DNAH7: variants seen among roughly 807,000 people sequenced by gnomAD.
DNAH7 encodes the protein axonemal beta dynein heavy chain 7.
Under a neutral mutation model 444.6 loss-of-function variants are expected in DNAH7, and 397 were observed. That is an observed-to-expected ratio of 0.89 (90% CI 0.82 to 0.97). The LOEUF is 0.97. Ranked by LOEUF, DNAH7 falls within the 50% of genes least tolerant of loss-of-function variation. The pLI, the probability that DNAH7 is intolerant of heterozygous loss-of-function variation, is 0.00. For missense variants in DNAH7, 4,902 were observed against 4,800.8 expected, an observed-to-expected ratio of 1.02 and a Z score of -0.62; for synonymous variants, 1,636 against 1,624.4, an observed-to-expected ratio of 1.01 and a Z score of -0.17.
At chr2:195,847,059 C>CATATATATATATATATATCTGATAT (rs1190507117) in intron 46 of DNAH7, among the ~76,000 whole-genome samples, 1 of 139,694 alleles carries the variant, frequency 7.2e-6, no homozygotes, top group Non-Finnish European at 1.5e-5. Flanking sequence ...TATAAACTCC[C>CATATATATATATATATATCTGATAT]ATATATATAT....
At chr2:195,868,327 G>A (rs185542205) in intron 40 of DNAH7, among the ~76,000 whole-genome samples, 5 of 151,404 alleles carry the variant, frequency 3.3e-5, no homozygotes, top group Admixed American at 2.0e-4. Context: ...CTCATGATCC[G>A]CCTGCCTCGG....
In DNAH7 at chr2:195,754,516, T is replaced by C; in HGVS notation, c.11587-2A>G. On this transcript the variant is annotated splice_acceptor_variant, in intron 62 of 64. Coordinates refer to ENST00000312428, the MANE Select transcript of DNAH7 (RefSeq NM_018897.3). LOFTEE classifies it high-confidence loss of function. ...AGGAGGACCAACCTCATACCATTGC[T>C]AGGGTGTAAAACACAAGTGGGCTAA... is the stretch of plus-strand genomic sequence containing the variant. 1 of 1,613,410 alleles carries C rather than the reference T, an allele frequency of 6.2e-7. No homozygotes were observed. Among genetic ancestry groups the C allele is most frequent in the South Asian group, 1.1e-5 (1 of 90,970 alleles).
intron 29 of DNAH7, among the ~76,000 whole-genome samples, chr2:195,895,716 C>T (rs1702269396): frequency 6.6e-6 from 1 of 152,144 alleles, no homozygotes; most frequent in African/African-American, 2.4e-5. Context: ...TTGCTGCCTC[C>T]TACCTCCATC....
Position 195,794,273 on chromosome 2 carries a change from T to C in DNAH7, c.10716+65A>G, listed in dbSNP as rs112394530. On this transcript the variant is annotated intron_variant, in intron 57 of 64. Coordinates refer to ENST00000312428, the MANE Select transcript of DNAH7 (RefSeq NM_018897.3). ...TAGTTTTACTCAGTGCACACATCCA[T>C]GATCACCAGGGGCCACTTGAAGTGC... 4.3e-4 allele frequency: 646 copies of C among 1,512,724 alleles called. No homozygotes were observed. The African/African-American group carries it at 7.4e-3, about 17-fold the overall frequency. The allele number at this position is 1,512,724 out of a possible 1,614,324, so 93.7% of individuals were successfully genotyped here. A position where few individuals can be genotyped will look rare whatever the true frequency, so the allele number is the denominator to read the frequency against.
At chr2:195,895,418 T>A (rs1164352280) in intron 29 of DNAH7, among the ~76,000 whole-genome samples, 194 bp from the exon 30 acceptor site, 1 of 152,190 alleles carries the variant, frequency 6.6e-6, no homozygotes, top group Non-Finnish European at 1.5e-5. Flanking sequence ...ATCCTTATGA[T>A]GTTCGTTTTG....
intron 47 of DNAH7, among the ~76,000 whole-genome samples, chr2:195,835,389 A>T (rs1459073880): frequency 1.8e-4 from 27 of 151,822 alleles, no homozygotes; most frequent in Admixed American, 1.8e-3. Context: ...GGCAAAAAAA[A>T]AAAAAAAAAA....
At chr2:196,043,114 C>A (rs1181917383) in intron 5 of DNAH7, among the ~76,000 whole-genome samples, 1 of 152,002 alleles carries the variant, frequency 6.6e-6, no homozygotes, top group African/African-American at 2.4e-5. Flanking sequence ...CAAAAGTATT[C>A]TAAAACTGGA....
intron 54 of DNAH7, among the ~76,000 whole-genome samples, chr2:195,804,162 A>G (rs923087869): frequency 3.3e-5 from 5 of 152,220 alleles, no homozygotes; most frequent in Non-Finnish European, 7.3e-5. Flanking sequence ...ATTATCTCTT[A>G]GAGGTGAAAA....
intron 48 of DNAH7, among the ~76,000 whole-genome samples, chr2:195,825,579 A>T (rs991033046): frequency 2.0e-5 from 3 of 151,734 alleles, no homozygotes; most frequent in African/African-American, 7.3e-5. Context: ...ACACTGTATT[A>T]AAAAAAACTG....
At chr2:195,761,902 C>G (rs75037914) in intron 61 of DNAH7, among the ~76,000 whole-genome samples, 1 of 152,026 alleles carries the variant, frequency 6.6e-6, no homozygotes. Flanking sequence ...AGGTATAAAA[C>G]TCAGGGTAAT....
At chr2:195,770,757 T>C (rs770460519) in intron 61 of DNAH7, among the ~76,000 whole-genome samples, 2 of 152,160 alleles carry the variant, frequency 1.3e-5, no homozygotes, top group Non-Finnish European at 2.9e-5. Flanking sequence ...AGGGTCTCAC[T>C]CTGTTGCCTG....
rs199601950 is a variant in DNAH7, at chr2:195,875,851, T to C, written c.6118-8A>G. ...ATCATCTACAAAGACAACCTGAGAA[T>C]GAGAAGAGAAGAGGTACAGAAAATA... is the stretch of plus-strand genomic sequence containing the variant. On this transcript the variant is annotated splice_region_variant and splice_polypyrimidine_tract_variant and intron_variant, in intron 37 of 64. Transcript: ENST00000312428. The C allele has an allele frequency of 8.3e-5, 133 of 1,595,412 alleles. 1 individual carries two copies. In the Admixed American group the frequency reaches 2.3e-3, roughly 28 times the overall value.
intron 12 of DNAH7, among the ~76,000 whole-genome samples, chr2:195,992,320 G>C (rs1199424524): frequency 1.3e-5 from 2 of 152,192 alleles, no homozygotes; most frequent in Admixed American, 6.5e-5. Context: ...TGTGTGAAGG[G>C]AGGAGACCAC....
At chr2:196,012,116 T>C (rs1694758283) in intron 10 of DNAH7, among the ~76,000 whole-genome samples, 1 of 152,174 alleles carries the variant, frequency 6.6e-6, no homozygotes, top group Non-Finnish European at 1.5e-5. Flanking sequence ...CTTTTAGAAA[T>C]CATGAAGCTA....
intron 9 of DNAH7, among the ~76,000 whole-genome samples, chr2:196,018,612 A>C (rs114459660): frequency 0.018 from 2,730 of 152,282 alleles, 75 homozygotes; most frequent in African/African-American, 0.061. Context: ...AAATAATTAA[A>C]ACAAATAAAG....
chr2:195,923,900 C>A, intron 22 of DNAH7, 93 bp from the exon 23 acceptor site: 1 of 1,109,810 alleles, frequency 9.0e-7, no homozygotes. Context: ...AGATTATTCT[C>A]TGCATTTTGA....
At chr2:195,885,555 T>C (rs547950) in intron 34 of DNAH7, among the ~76,000 whole-genome samples, 11,131 of 115,126 alleles carry the variant, frequency 0.097, 630 homozygotes, top group African/African-American at 0.24. Flanking sequence ...AACATATAAG[T>C]TAAGCAAGTA....
rs370262343 is a variant in DNAH7, at chr2:196,051,253, T to G, written c.79-4A>C. 1.2e-6 allele frequency: 2 copies of G among 1,613,616 alleles called. No individual in the cohort carries two copies. Among genetic ancestry groups the G allele is most frequent in the Admixed American group, 1.7e-5 (1 of 60,026 alleles). On this transcript the variant is annotated splice_region_variant and splice_polypyrimidine_tract_variant and intron_variant, in intron 2 of 64. Coordinates refer to ENST00000312428, the MANE Select transcript of DNAH7 (RefSeq NM_018897.3). ...TTTCTTTGCTGGCTAATTTCTCCTG[T>G]GTGAAAAATATGAAGGGGAAAAAAG...
chr2:196,004,649 G>T (rs1420116566), intron 10 of DNAH7, among the ~76,000 whole-genome samples: 2 of 152,054 alleles, frequency 1.3e-5, no homozygotes, highest in Non-Finnish European at 2.9e-5. Flanking sequence ...AAACACCTAT[G>T]TCAAAAACAA....
Sources: allele counts gnomAD v4.1 joint callset (sites outside exome capture counted in the v4.1 genomes callset), GRCh38; gene constraint gnomAD v4.1.1; transcripts MANE v1.5; gene names NCBI Gene and HGNC (gene_info 2026-07-23, HGNC 2026-07-21).